Variants in NUBPL observed in about 807,000 individuals in gnomAD.
The protein encoded by NUBPL is NUBP iron-sulfur cluster assembly factor, mitochondrial.
In NUBPL, 31 loss-of-function variants were observed where a neutral mutation model predicts 45.7. The observed-to-expected ratio is 0.68, with a 90% CI of 0.51 to 0.92. The LOEUF is 0.92. NUBPL is among the 40% of genes least tolerant of loss of function. The pLI is 0.00. For synonymous variants in NUBPL, 144 were observed against 140.9 expected, an observed-to-expected ratio of 1.02 and a Z score of -0.15; for missense variants, 401 against 398.7, an observed-to-expected ratio of 1.01 and a Z score of -0.05.
At chr14:31,686,072 A>G (rs1018639305) in intron 6 of NUBPL, among the ~76,000 whole-genome samples, 2 of 152,194 alleles carry the variant, frequency 1.3e-5, no homozygotes, top group Non-Finnish European at 2.9e-5. Context: ...AGAGATGAGG[A>G]GATGAATGAT....
chr14:31,798,931 T>G (rs2039526631), intron 7 of NUBPL, among the ~76,000 whole-genome samples: 1 of 150,858 alleles, frequency 6.6e-6, no homozygotes, highest in South Asian at 2.1e-4. Flanking sequence ...AAGGATCAAA[T>G]AAGATAATGA....
At chr14:31,610,625 AAAAAAG>A (rs1477567916) in intron 4 of NUBPL, among the ~76,000 whole-genome samples, 1 of 150,322 alleles carries the variant, frequency 6.7e-6, no homozygotes, top group Non-Finnish European at 1.5e-5. Flanking sequence ...AAAAAAAAAA[AAAAAAG>A]AAAGAAAACT....
intron 7 of NUBPL, among the ~76,000 whole-genome samples, chr14:31,824,085 A>G (rs907365737): frequency 2.0e-5 from 3 of 152,148 alleles, no homozygotes; most frequent in Admixed American, 1.3e-4. Context: ...TAACAATAAT[A>G]TATGTAATAA....
chr14:31,819,917 G>A (rs1449101378), intron 7 of NUBPL, among the ~76,000 whole-genome samples: 5 of 151,990 alleles, frequency 3.3e-5, no homozygotes, highest in African/African-American at 9.7e-5. Context: ...GAGGTGGGCG[G>A]ATCACGAGGT....
chr14:31,859,656 C>G lies in NUBPL; in HGVS notation c.*476C>G, dbSNP rs2040681454. On this transcript the variant is annotated 3_prime_UTR_variant, in exon 11 of 11. Coordinates refer to ENST00000281081, the MANE Select transcript of NUBPL (RefSeq NM_025152.3). ...TTAATATGAACCTCTGCTTCTTCATCTGGATCACACTATACCCCAGACTTA... is the reference window on the plus strand; with the variant it reads ...TTAATATGAACCTCTGCTTCTTCATGTGGATCACACTATACCCCAGACTTA... 7.9e-5 allele frequency: 17 copies of G among 215,370 alleles called. No individual in the cohort carries two copies. In the South Asian group the frequency reaches 1.3e-3, roughly 16 times the overall value. 13.3% of individuals were successfully genotyped at this position (215,370 alleles called of 1,614,324 possible). A position where few individuals can be genotyped will look rare whatever the true frequency, so the allele number is the denominator to read the frequency against.
chr14:31,748,570 A>G (rs926970840), intron 6 of NUBPL, among the ~76,000 whole-genome samples: 2 of 149,178 alleles, frequency 1.3e-5, no homozygotes, highest in Non-Finnish European at 2.9e-5. Context: ...TCTTTTTTTA[A>G]AAGTCAATTT....
rs141131623 is a variant in NUBPL at position 31,700,872 on chromosome 14, G to A, written c.513+27298G>A. On this transcript the variant is annotated intron_variant, in intron 6 of 10. Transcript: ENST00000281081. ...CCCTCACGGCCTGAGCCTCCCCGAC[G>A]GGTGCTGCCCCCTGCTCCAGGGCTC... Among the ~76,000 whole-genome samples the A allele has an allele frequency of 8.2e-3, 1,240 of 150,848 alleles. 14 individuals are homozygous for A. Among genetic ancestry groups the A allele is most frequent in the African/African-American group, 0.029 (1,192 of 41,188 alleles).
At chr14:31,637,850 C>T (rs979528000) in intron 4 of NUBPL, among the ~76,000 whole-genome samples, 6 of 152,132 alleles carry the variant, frequency 3.9e-5, no homozygotes, top group African/African-American at 1.2e-4. Context: ...TAATGGCCTT[C>T]TTTGTCTCTT....
intron 7 of NUBPL, among the ~76,000 whole-genome samples, chr14:31,804,299 G>C (rs2039644972): frequency 6.6e-6 from 1 of 152,096 alleles, no homozygotes; most frequent in Admixed American, 6.6e-5. Context: ...TAAGTAGTGG[G>C]GAGTAGAAGT....
At chr14:31,702,851 A>G (rs1233342738) in intron 6 of NUBPL, among the ~76,000 whole-genome samples, 1 of 152,220 alleles carries the variant, frequency 6.6e-6, no homozygotes, top group African/African-American at 2.4e-5. Flanking sequence ...TAGGACTTCC[A>G]TTCTCCTAAA....
At chr14:31,681,148 T>C (rs969216747) in intron 6 of NUBPL, among the ~76,000 whole-genome samples, 2 of 152,118 alleles carry the variant, frequency 1.3e-5, no homozygotes, top group African/African-American at 2.4e-5. Context: ...TTGGTTTAAA[T>C]GTTGGTATTT....
At chr14:31,656,834 G>A (rs779545397) in intron 4 of NUBPL, among the ~76,000 whole-genome samples, 1 of 152,202 alleles carries the variant, frequency 6.6e-6, no homozygotes, top group Non-Finnish European at 1.5e-5. Context: ...CAATAGACTT[G>A]CTCAATGTAG....
intron 4 of NUBPL, among the ~76,000 whole-genome samples, chr14:31,634,309 A>G (rs1029058311): frequency 1.4e-5 from 2 of 138,220 alleles, no homozygotes; most frequent in Non-Finnish European, 3.0e-5. Context: ...TCATTGTTCA[A>G]TTCCCACCTA....
chr14:31,772,514 A>G (rs1011798318), intron 6 of NUBPL, among the ~76,000 whole-genome samples: 6 of 152,156 alleles, frequency 3.9e-5, no homozygotes, highest in African/African-American at 1.2e-4. Context: ...CATTATTTTT[A>G]TATTTGAAGC....
intron 4 of NUBPL, among the ~76,000 whole-genome samples, chr14:31,644,531 T>C (rs1468154732): frequency 6.6e-6 from 1 of 152,222 alleles, no homozygotes; most frequent in East Asian, 1.9e-4. Context: ...ATATGATTTC[T>C]ACTTTTTTGT....
At chr14:31,764,208 T>C (rs1240466062) in intron 6 of NUBPL, among the ~76,000 whole-genome samples, 2 of 152,198 alleles carry the variant, frequency 1.3e-5, no homozygotes, top group Admixed American at 1.3e-4. Flanking sequence ...GAGTACAAGC[T>C]TTACTGGTTT....
intron 6 of NUBPL, among the ~76,000 whole-genome samples, chr14:31,773,570 G>A (rs192720968): frequency 2.0e-5 from 3 of 152,146 alleles, no homozygotes; most frequent in Non-Finnish European, 2.9e-5. Context: ...GTTGAATAAC[G>A]ATCCTAGGAG....
chr14:31,775,543 C>G (rs912188609), intron 6 of NUBPL, among the ~76,000 whole-genome samples: 1 of 152,214 alleles, frequency 6.6e-6, no homozygotes, highest in Non-Finnish European at 1.5e-5. Context: ...TCTTGGCTGA[C>G]TCAAGTCTGA....
intron 6 of NUBPL, among the ~76,000 whole-genome samples, chr14:31,690,188 G>A (rs1186558023): frequency 6.6e-6 from 1 of 152,100 alleles, no homozygotes; most frequent in Non-Finnish European, 1.5e-5. Context: ...ATTATTTTGT[G>A]CCAGTGCAGT....
Sources: gnomAD v4.1 joint callset for allele counts (sites outside exome capture counted in the v4.1 genomes callset) on GRCh38, gnomAD v4.1.1 for gene constraint, MANE v1.5 for transcripts, NCBI Gene and HGNC (gene_info 2026-07-23, HGNC 2026-07-21) for gene names.